The following TENT5C variants were observed in gnomAD, a reference collection of about 807,000 sequenced individuals.
TENT5C encodes the protein family with sequence similarity 46 member C.
Under a neutral mutation model 22.2 loss-of-function variants are expected in TENT5C, and 5 were observed. The observed-to-expected ratio is 0.22, with a 90% CI of 0.12 to 0.47. The LOEUF is 0.47. TENT5C is among the 20% of genes least tolerant of loss of function. The probability of loss-of-function intolerance (pLI) is 0.99; values close to 1 mark genes in which losing one functional copy is unlikely to be tolerated. For synonymous variants in TENT5C, 199 were observed against 195.4 expected (o/e 1.02, Z -0.15); for missense variants, 364 against 500.9 (o/e 0.73, Z 2.61).
chr1:117,607,240 G>A (rs1437814331), intron 1 of TENT5C, among the ~76,000 whole-genome samples: 1 of 152,168 alleles, frequency 6.6e-6, no homozygotes, highest in Non-Finnish European at 1.5e-5. Flanking sequence ...ATTAGGGCTG[G>A]ACCCTGCGGG....
chr1:117,622,763 A>G (rs1653921278), intron 1 of TENT5C, 79 bp from the exon 2 acceptor site: 1 of 936,908 alleles, frequency 1.1e-6, no homozygotes, highest in Admixed American at 2.4e-5. Flanking sequence ...ATGTTCAGAG[A>G]TTAAACAGTG....
intron 1 of TENT5C, among the ~76,000 whole-genome samples, chr1:117,607,427 TAAGA>T (rs1478743292): frequency 6.6e-6 from 1 of 152,238 alleles, no homozygotes; most frequent in African/African-American, 2.4e-5. Context: ...GCACTTATAG[TAAGA>T]AAGCTTTTAT....
Position 117,625,888 on chromosome 1 carries a change from C to G in TENT5C, c.*1844C>G, listed in dbSNP as rs1331844646. On this transcript the variant is annotated 3_prime_UTR_variant, in exon 2 of 2. Coordinates refer to ENST00000369448, the MANE Select transcript of TENT5C (RefSeq NM_017709.4). The stretch of plus-strand genomic sequence containing the variant: ...AAGCCACTTCTTAGTGTAATCAGCT[C>G]CTGTTTCCCTGTGAGCCTTAGTTAT... 1 of 247,908 alleles carries G rather than the reference C, an allele frequency of 4.0e-6. No individual in the cohort carries two copies. The highest frequency in any genetic ancestry group is 2.2e-5 in the African/African-American group (1 of 45,332). 15.4% of individuals were successfully genotyped at this position (247,908 alleles called of 1,614,324 possible).
chr1:117,620,574 G>A (rs188873795), intron 1 of TENT5C, among the ~76,000 whole-genome samples: 1 of 152,244 alleles, frequency 6.6e-6, no homozygotes, highest in Admixed American at 6.5e-5. Flanking sequence ...GTAGCTCAGG[G>A]TTCCCCACCC....
At chr1:117,612,661 A>G (rs1333083189) in intron 1 of TENT5C, among the ~76,000 whole-genome samples, 2 of 152,234 alleles carry the variant, frequency 1.3e-5, no homozygotes, top group South Asian at 4.1e-4. Context: ...GGATCCATGC[A>G]AAACAAAAAC....
chr1:117,619,062 C>T (rs376268754), intron 1 of TENT5C, among the ~76,000 whole-genome samples: 3 of 152,162 alleles, frequency 2.0e-5, no homozygotes, highest in Non-Finnish European at 2.9e-5. Context: ...CACATCAGAT[C>T]ATTTAACCAT....
At chr1:117,620,254 T>A (rs1206664256) in intron 1 of TENT5C, among the ~76,000 whole-genome samples, 1 of 152,240 alleles carries the variant, frequency 6.6e-6, no homozygotes, top group Non-Finnish European at 1.5e-5. Context: ...TGAGTCAGAA[T>A]ACATTCCTAC....
In TENT5C at chr1:117,623,243, C is replaced by A; in HGVS notation, c.375C>A (p.Asn125Lys). 3 of 1,614,122 alleles carry A rather than the reference C, an allele frequency of 1.9e-6. No individual in the cohort carries two copies. The highest frequency in any genetic ancestry group is 2.5e-6 in the Non-Finnish European group (3 of 1,180,016). ...SLLNFLPEGVNKLKISPVTLK... is the reference protein window; with the variant it reads ...SLLNFLPEGVKKLKISPVTLK... ...TGAACTTCCTGCCAGAGGGTGTGAA[C>A]AAGCTCAAAATCAGTCCAGTCACTC... Residue 125 changes from asparagine (N) to lysine (K), a missense_variant, in exon 2 of 2, where the codon AAC (asparagine) becomes AAA (lysine). Physicochemically the swap from Asn to Lys is moderately conservative, Grantham distance 94. Around this residue, in one of 3 missense-constraint regions of TENT5C, gnomAD observed 303 missense variants for 394.5 expected, o/e 0.77. Transcript: ENST00000369448.
At chr1:117,613,591 A>C (rs1372629891) in intron 1 of TENT5C, among the ~76,000 whole-genome samples, 2 of 152,188 alleles carry the variant, frequency 1.3e-5, no homozygotes, top group Non-Finnish European at 2.9e-5. Context: ...GTGAGAATTC[A>C]TGGAGGCCCC....
intron 1 of TENT5C, among the ~76,000 whole-genome samples, chr1:117,615,074 T>G (rs1653752251): frequency 6.6e-6 from 1 of 152,256 alleles, no homozygotes; most frequent in Non-Finnish European, 1.5e-5. Context: ...CTGACAGTTG[T>G]TAGATACTTC....
chr1:117,627,355 T>C lies in TENT5C; in HGVS notation c.*3311T>C, dbSNP rs1412859228. 2.0e-5 allele frequency: 5 copies of C among 248,026 alleles called. No homozygotes were observed. The highest frequency in any genetic ancestry group is 3.4e-5 in the Non-Finnish European group (4 of 118,102). The allele number at this position is 248,026 out of a possible 1,614,324, so 15.4% of individuals were successfully genotyped here. ...CCCTTACCCTTATGGTACGTCAGGA[T>C]TTTAACTAGTACTGCTTTGTTGACT... On this transcript the variant is annotated 3_prime_UTR_variant, in exon 2 of 2. Coordinates refer to ENST00000369448, the MANE Select transcript of TENT5C (RefSeq NM_017709.4).
rs1369352334 is a variant in TENT5C at position 117,626,974 on chromosome 1, C to T, written c.*2930C>T. Reference sequence around the variant, plus strand: ...GATGCCTGACCTTGAGCTCTAGTCTCCCCTTTAAATCTTACCTTGGCAGTA... The same window carrying T: ...GATGCCTGACCTTGAGCTCTAGTCTTCCCTTTAAATCTTACCTTGGCAGTA... On this transcript the variant is annotated 3_prime_UTR_variant, in exon 2 of 2. Transcript: ENST00000369448. 1.6e-5 allele frequency: 4 copies of T among 248,022 alleles called. No individual in the cohort carries two copies. Among genetic ancestry groups the T allele is most frequent in the African/African-American group, 8.8e-5 (4 of 45,334 alleles). The allele number at this position is 248,022 out of a possible 1,614,324, so 15.4% of individuals were successfully genotyped here. A position where few individuals can be genotyped will look rare whatever the true frequency, so the allele number is the denominator to read the frequency against.
chr1:117,618,843 T>C (rs1258869638), intron 1 of TENT5C, among the ~76,000 whole-genome samples: 3 of 152,240 alleles, frequency 2.0e-5, no homozygotes, highest in South Asian at 2.1e-4. Flanking sequence ...CCAGAGACTT[T>C]ATATGCTTGT....
At chr1:117,622,309 A>G (rs1653909693) in intron 1 of TENT5C, among the ~76,000 whole-genome samples, 1 of 139,652 alleles carries the variant, frequency 7.2e-6, no homozygotes. Flanking sequence ...TGTGGAGTGA[A>G]GGAAGTCGTG....
chr1:117,608,024 T>G (rs1653579896), intron 1 of TENT5C, among the ~76,000 whole-genome samples: 1 of 151,808 alleles, frequency 6.6e-6, no homozygotes. Context: ...TTTGGTATAT[T>G]GTATATAATT....
chr1:117,627,126 T>C lies in TENT5C; in HGVS notation c.*3082T>C, dbSNP rs934119180. The C allele has an allele frequency of 2.4e-5, 6 of 247,892 alleles. No individual in the cohort carries two copies. Among genetic ancestry groups the C allele is most frequent in the Middle Eastern group, 2.5e-3 (2 of 788 alleles). 15.4% of individuals were successfully genotyped at this position (247,892 alleles called of 1,614,324 possible). A position where few individuals can be genotyped will look rare whatever the true frequency, so the allele number is the denominator to read the frequency against. ...CACCTGGGGGACCTGGCAGATGGGG[T>C]GAGTTGGGTAAGGAAGATGATGCTT... On this transcript the variant is annotated 3_prime_UTR_variant, in exon 2 of 2. Transcript: ENST00000369448.
intron 1 of TENT5C, among the ~76,000 whole-genome samples, chr1:117,609,670 G>A (rs762873057): frequency 6.6e-6 from 1 of 152,178 alleles, no homozygotes; most frequent in Non-Finnish European, 1.5e-5. Context: ...TCATGCAGTC[G>A]AGGCACTCCG....
At chr1:117,613,231 C>T (rs562935511) in intron 1 of TENT5C, among the ~76,000 whole-genome samples, 9 of 152,282 alleles carry the variant, frequency 5.9e-5, no homozygotes, top group African/African-American at 1.9e-4. Context: ...AATGCTGACA[C>T]CTTGGAAAAA....
intron 1 of TENT5C, among the ~76,000 whole-genome samples, chr1:117,619,899 T>G (rs2101078009): frequency 6.6e-6 from 1 of 152,324 alleles, no homozygotes; most frequent in East Asian, 1.9e-4. Context: ...ACATGCTGTT[T>G]CAATTATTGT....
Sources: gnomAD v4.1 joint callset for allele counts (sites outside exome capture counted in the v4.1 genomes callset) on GRCh38, gnomAD v4.1.1 for gene constraint, gnomAD v4.1.1 regional missense constraint, MANE v1.5 for transcripts, NCBI Gene and HGNC (gene_info 2026-07-23, HGNC 2026-07-21) for gene names.